CHCHD1: variants seen among roughly 807,000 people sequenced by gnomAD.
CHCHD1 encodes small ribosomal subunit protein mS37.
CHCHD1 carries 12 observed loss-of-function variants against 12.7 expected under a neutral mutation model. That is an observed-to-expected ratio of 0.95 (90% CI 0.61 to 1.53). The LOEUF is 1.53. Ranked by LOEUF, CHCHD1 falls within the 40% of genes most tolerant of loss-of-function variation. CHCHD1 has a pLI of 0.00. For synonymous variants in CHCHD1, 57 were observed against 62.4 expected, an observed-to-expected ratio of 0.91 and a Z score of 0.41; for missense variants, 151 against 155.8, an observed-to-expected ratio of 0.97 and a Z score of 0.17.
In CHCHD1 at chr10:73,782,388, G is replaced by T. The variant is rs1441490081; in HGVS notation, c.190G>T (p.Asp64Tyr). 6.2e-7 allele frequency: 1 copy of T among 1,614,232 alleles called. No individual in the cohort carries two copies. The highest frequency in any genetic ancestry group is 8.5e-7 in the Non-Finnish European group (1 of 1,180,036). ...ACWKQNEFRD[D>Y]ACRKEIQGFL... ...CTGGAAGCAGAATGAATTCCGCGAC[G>T]ATGCGTGCAGAAAAGAGATCCAGGG... is the stretch of plus-strand genomic sequence containing the variant. The change falls in exon 2 of 3, where the codon GAT becomes TAT. Residue 64 changes from aspartate to tyrosine, a missense_variant. By Grantham distance (160) the Asp-to-Tyr change is radical. Coordinates refer to ENST00000372833, the MANE Select transcript of CHCHD1 (RefSeq NM_203298.3).
Position 73,783,077 on chromosome 10 carries a change from G to A in CHCHD1, c.247G>A (p.Ala83Thr). The change falls in exon 3 of 3, where the codon GCC (alanine) becomes ACC (threonine). Residue 83 changes from alanine to threonine, a missense_variant. Physicochemically the swap from Ala to Thr is moderately conservative, Grantham distance 58. Transcript: ENST00000372833. Reference protein sequence around the residue: ...FLDCAARAQEARKMRSIQETL... With the variant: ...FLDCAARAQETRKMRSIQETL... ...TGTATTTGTTTTGTGTTTTCAGGAA[G>A]CCCGAAAGATGAGATCAATACAGGA... 3 of 1,610,546 alleles carry A rather than the reference G, an allele frequency of 1.9e-6. No homozygotes were observed. The highest frequency in any genetic ancestry group is 1.1e-5 in the South Asian group (1 of 90,764).
rs1341256838 is a variant in CHCHD1 at position 73,783,213 on chromosome 10, G to A, written c.*26G>A. 1.4e-5 allele frequency: 21 copies of A among 1,532,254 alleles called. No individual in the cohort carries two copies. Among genetic ancestry groups the A allele is most frequent in the Non-Finnish European group, 1.8e-5 (20 of 1,107,152 alleles). The allele number at this position is 1,532,254 out of a possible 1,614,324, so 94.9% of individuals were successfully genotyped here. ...AAATGGACAAGTATTTTCAATGACT[G>A]AAATATAGCTTCTGACAACTATGCA... On this transcript the variant is annotated 3_prime_UTR_variant, in exon 3 of 3. Coordinates refer to ENST00000372833, the MANE Select transcript of CHCHD1 (RefSeq NM_203298.3).
chr10:73,782,819 G>A, intron 2 of CHCHD1: 1 of 573,360 alleles, frequency 1.7e-6, no homozygotes, highest in South Asian at 2.3e-5. Context: ...TCCTGTCTAG[G>A]CTTAATTGTT....
chr10:73,782,678 A>G, intron 2 of CHCHD1: 1 of 1,056,224 alleles, frequency 9.5e-7, no homozygotes, highest in Non-Finnish European at 1.3e-6. Flanking sequence ...ACCTTAAAGA[A>G]TGTTGTGAGT....
At chr10:73,782,552 A>G in intron 2 of CHCHD1, 111 bp downstream of exon 2, 1 of 1,552,074 alleles carries the variant, frequency 6.4e-7, no homozygotes, top group Non-Finnish European at 8.7e-7. Flanking sequence ...TGGGAGGTAT[A>G]TTATTCACGC....
chr10:73,782,108 G>A lies in CHCHD1; in HGVS notation c.33G>A (p.Ala11=). 1.2e-6 allele frequency: 2 copies of A among 1,613,196 alleles called. No individual in the cohort carries two copies. Among genetic ancestry groups the A allele is most frequent in the Non-Finnish European group, 1.7e-6 (2 of 1,179,950 alleles). Residue 11 remains alanine, a synonymous_variant, in exon 1 of 3, where the codon GCG becomes GCA. Coordinates refer to ENST00000372833, the MANE Select transcript of CHCHD1 (RefSeq NM_203298.3). ...CACCCAGCCTGCGGGGTCGTCTGGC[G>A]CGGTTTGGGAACCCGCGGAAGCCTG... MATPSLRGRL[A]RFGNPRKPVL...
In CHCHD1 at chr10:73,782,209, C is replaced by T. The variant is rs775837768; in HGVS notation, c.124+10C>T. On this transcript the variant is annotated intron_variant, in intron 1 of 2. Coordinates refer to ENST00000372833, the MANE Select transcript of CHCHD1 (RefSeq NM_203298.3). ...CGCCGGGAGAAGGGCGGTGAGCAGT[C>T]GGAGTCAGGACGGCCCCGGAGCGGA... 1.9e-6 allele frequency: 3 copies of T among 1,613,502 alleles called. No individual in the cohort carries two copies. In the East Asian group the frequency reaches 6.7e-5, roughly 36 times the overall value.
At position 73,782,434 on chromosome 10, in the gene CHCHD1, G is replaced by A; in HGVS notation, c.236G>A (p.Arg79Lys). The A allele has an allele frequency of 1.2e-6, 2 of 1,614,230 alleles. No homozygotes were observed. Among genetic ancestry groups the A allele is most frequent in the South Asian group, 1.1e-5 (1 of 91,084 alleles). ...EIQGFLDCAA[R>K]AQEARKMRSI... ...CAGGGCTTCCTCGATTGTGCCGCGA[G>A]GGCTCAGGTGACCGATGGCTCCTGG... The change falls in exon 2 of 3, where the codon AGG becomes AAG. Residue 79 changes from arginine to lysine, a missense_variant. Arg to Lys is a conservative substitution (Grantham distance 26). Transcript: ENST00000372833.
Position 73,782,372 on chromosome 10 carries a change from G to A in CHCHD1, c.174G>A (p.Gln58=). ...CGGTGATGATGGCTTGCTGGAAGCA[G>A]AATGAATTCCGCGACGATGCGTGCA... ...EMSVMMACWK[Q]NEFRDDACRK... is the part of the protein sequence containing the mutation. The change falls in exon 2 of 3, where the codon CAG becomes CAA. Residue 58 remains glutamine, a synonymous_variant. Transcript: ENST00000372833. 6.2e-7 allele frequency: 1 copy of A among 1,614,244 alleles called. No individual in the cohort carries two copies. The highest frequency in any genetic ancestry group is 8.5e-7 in the Non-Finnish European group (1 of 1,180,040).
At chr10:73,782,738 T>C (rs1471930619) in intron 2 of CHCHD1, 2 of 647,212 alleles carry the variant, frequency 3.1e-6, no homozygotes. Context: ...TGTAAATTGC[T>C]GCTCAAGTAG....
chr10:73,783,191 T>C lies in CHCHD1; in HGVS notation c.*4T>C. ...TAACAAACCTTACCTCAGCTGAAAA[T>C]GGACAAGTATTTTCAATGACTGAAA... On this transcript the variant is annotated 3_prime_UTR_variant, in exon 3 of 3. Transcript: ENST00000372833. 3 of 1,598,082 alleles carry C rather than the reference T, an allele frequency of 1.9e-6. No individual in the cohort carries two copies. Among genetic ancestry groups the C allele is most frequent in the East Asian group, 2.2e-5 (1 of 44,764 alleles).
chr10:73,783,019 T>C (rs1464968264), intron 2 of CHCHD1, 55 bp from the exon 3 acceptor site: 2 of 1,387,794 alleles, frequency 1.4e-6, no homozygotes, highest in Non-Finnish European at 2.0e-6. Flanking sequence ...ATCTTAAAAG[T>C]CTGGACTAGA....
Position 73,782,354 on chromosome 10 carries a change from G to A in CHCHD1, c.156G>A (p.Met52Ile), listed in dbSNP as rs769032985. The A allele has an allele frequency of 1.1e-5, 18 of 1,614,100 alleles. No individual in the cohort carries two copies. The Admixed American group carries it at 3.0e-4, about 27-fold the overall frequency. The change falls in exon 2 of 3, where the codon ATG becomes ATA. Residue 52 changes from methionine to isoleucine, a missense_variant. Met to Ile is a conservative substitution (Grantham distance 10, BLOSUM62 1). Coordinates refer to ENST00000372833, the MANE Select transcript of CHCHD1 (RefSeq NM_203298.3). ...CTTGCATCACGGAGATGTCGGTGAT[G>A]ATGGCTTGCTGGAAGCAGAATGAAT... The part of the protein sequence containing the change: ...EATCITEMSV[M>I]MACWKQNEFR...
At chr10:73,782,613 A>G in intron 2 of CHCHD1, 172 bp downstream of exon 2, 3 of 1,429,028 alleles carry the variant, frequency 2.1e-6, no homozygotes, top group South Asian at 1.5e-5. Flanking sequence ...TGACGGATTT[A>G]TTCATTGCTC....
Position 73,783,130 on chromosome 10 carries a change from T to G in CHCHD1, c.300T>G (p.Leu100=), listed in dbSNP as rs1186966044. Residue 100 remains leucine, a synonymous_variant, in exon 3 of 3, where the codon CTT becomes CTG. Transcript: ENST00000372833. The stretch of plus-strand genomic sequence containing the variant: ...CCCTGGGAGAGTCTGGGAGTTTACT[T>G]CCAAATAAATTGAATAAGTTGTTAC... ...QETLGESGSL[L]PNKLNKLLQR... is the part of the protein sequence containing the mutation. 6.2e-7 allele frequency: 1 copy of G among 1,614,086 alleles called. No homozygotes were observed. Among genetic ancestry groups the G allele is most frequent in the Non-Finnish European group, 8.5e-7 (1 of 1,179,994 alleles).
intron 2 of CHCHD1, 119 bp downstream of exon 2, chr10:73,782,560 C>T (rs1319906717): frequency 2.0e-6 from 3 of 1,531,992 alleles, no homozygotes; most frequent in African/African-American, 1.4e-5. Flanking sequence ...ATATTATTCA[C>T]GCCAAAGTGG....
At position 73,783,168 on chromosome 10, in the gene CHCHD1, A is replaced by G; in HGVS notation, c.338A>G (p.Asn113Ser). ...KLNKLLQRFP[N>S]KPYLS ...AATAAGTTGTTACAGAGGTTTCCTA[A>G]CAAACCTTACCTCAGCTGAAAATGG... Residue 113 changes from asparagine to serine, a missense_variant, in exon 3 of 3, where the codon AAC (asparagine) becomes AGC (serine). Transcript: ENST00000372833. The G allele has an allele frequency of 6.2e-7, 1 of 1,612,792 alleles. No individual in the cohort carries two copies. Among genetic ancestry groups the G allele is most frequent in the South Asian group, 1.1e-5 (1 of 91,012 alleles).
Position 73,782,074 on chromosome 10 carries a change from C to G in CHCHD1, c.-2C>G, listed in dbSNP as rs780209147. 6.2e-7 allele frequency: 1 copy of G among 1,612,924 alleles called. No homozygotes were observed. Among genetic ancestry groups the G allele is most frequent in the Non-Finnish European group, 8.5e-7 (1 of 1,179,828 alleles). On this transcript the variant is annotated 5_prime_UTR_variant, in exon 1 of 3. Coordinates refer to ENST00000372833, the MANE Select transcript of CHCHD1 (RefSeq NM_203298.3). ...CAAAGCCTGCCGGGAGCTTGGTGCG[C>G]TATGGCGACACCCAGCCTGCGGGGT...
chr10:73,782,634 A>C (rs1220242439), intron 2 of CHCHD1, 193 bp downstream of exon 2: 1 of 1,386,402 alleles, frequency 7.2e-7, no homozygotes, highest in Non-Finnish European at 9.4e-7. Flanking sequence ...TGAACTTTCG[A>C]GTTACTGTAC....
Sources: gnomAD v4.1 joint callset for allele counts on GRCh38, gnomAD v4.1.1 for gene constraint, MANE v1.5 for transcripts, NCBI Gene and HGNC (gene_info 2026-07-23, HGNC 2026-07-21) for gene names.